CRTC1: variants seen among roughly 807,000 people sequenced by gnomAD.
CRTC1 encodes CREB regulated transcription coactivator 1, also known as CREB-regulated transcription coactivator 1.
A neutral mutation model predicts 66.1 loss-of-function variants in CRTC1; 18 were observed. The observed-to-expected ratio is 0.27, with a 90% CI of 0.19 to 0.40. CRTC1 has a LOEUF of 0.40. Ranked by LOEUF, CRTC1 falls within the 10% of genes least tolerant of loss-of-function variation. CRTC1 has a pLI of 1.00. For synonymous variants in CRTC1, 416 were observed against 398.8 expected (o/e 1.04, Z -0.51); for missense variants, 669 against 887.9 (o/e 0.75, Z 3.13).
chr19:18,745,976 G>A lies in CRTC1; in HGVS notation c.381+16G>A, dbSNP rs1568518622. On this transcript the variant is annotated intron_variant, in intron 3 of 13. Transcript: ENST00000321949. ...CGGACGGCAGATATCCTTTTCACCA[G>A]AGGATGAGGGTGGGGGCCAGGCCCT... is the stretch of plus-strand genomic sequence containing the variant. The A allele has an allele frequency of 1.3e-5, 20 of 1,597,582 alleles. No individual in the cohort carries two copies. Among genetic ancestry groups the A allele is most frequent in the Non-Finnish European group, 1.6e-5 (19 of 1,168,536 alleles).
In CRTC1 at chr19:18,782,012, T is replaced by C. The variant is rs1195630780; in HGVS notation, c.*4630T>C. On this transcript the variant is annotated 3_prime_UTR_variant, in exon 14 of 14. Coordinates refer to ENST00000321949, the MANE Select transcript of CRTC1 (RefSeq NM_015321.3). Reference sequence around the variant, plus strand: ...GGAGGGAGGGCTTTGGCAGCCAAAGTCCACTGGCCCTGCCGTGCCCCTGAG... The same window carrying C: ...GGAGGGAGGGCTTTGGCAGCCAAAGCCCACTGGCCCTGCCGTGCCCCTGAG... 2 of 228,828 alleles carry C rather than the reference T, an allele frequency of 8.7e-6. No individual in the cohort carries two copies. Among genetic ancestry groups the C allele is most frequent in the African/African-American group, 4.4e-5 (2 of 44,978 alleles). 14.2% of individuals were successfully genotyped at this position (228,828 alleles called of 1,614,324 possible). A position where few individuals can be genotyped will look rare whatever the true frequency, so the allele number is the denominator to read the frequency against.
intron 8 of CRTC1, among the ~76,000 whole-genome samples, chr19:18,763,998 A>C (rs1342683750): frequency 6.6e-6 from 1 of 152,070 alleles, no homozygotes; most frequent in Non-Finnish European, 1.5e-5. Flanking sequence ...GGGCCTGCAA[A>C]GGGCGCTTGC....
At chr19:18,688,440 T>C (rs2052742354) in intron 1 of CRTC1, among the ~76,000 whole-genome samples, 1 of 151,268 alleles carries the variant, frequency 6.6e-6, no homozygotes, top group Admixed American at 6.6e-5. Flanking sequence ...GTTTGTTTGT[T>C]TGTTTGTTTG....
chr19:18,730,671 C>A (rs753258721), intron 1 of CRTC1, among the ~76,000 whole-genome samples: 2 of 152,258 alleles, frequency 1.3e-5, no homozygotes, highest in East Asian at 3.9e-4. Flanking sequence ...CTGCCTACCT[C>A]ATCCTTCATC....
At chr19:18,744,003 G>A in intron 2 of CRTC1, 5 of 1,205,020 alleles carry the variant, frequency 4.1e-6, no homozygotes, top group South Asian at 2.7e-5. Flanking sequence ...CCTGTTGGGT[G>A]TCTGTCGCCC....
intron 1 of CRTC1, among the ~76,000 whole-genome samples, chr19:18,700,410 C>T (rs367944949): frequency 1.3e-5 from 2 of 152,126 alleles, no homozygotes; most frequent in East Asian, 1.9e-4. Flanking sequence ...GGCAAGGGGG[C>T]GAAGCCTCCC....
At chr19:18,753,850 A>C (rs1444445830) in intron 6 of CRTC1, among the ~76,000 whole-genome samples, 2 of 152,196 alleles carry the variant, frequency 1.3e-5, no homozygotes, top group Non-Finnish European at 2.9e-5. Context: ...CTGTAATCCC[A>C]GTACTTTGGG....
At chr19:18,736,047 G>A (rs1233485492) in intron 1 of CRTC1, among the ~76,000 whole-genome samples, 1 of 152,164 alleles carries the variant, frequency 6.6e-6, no homozygotes, top group East Asian at 1.9e-4. Context: ...CCTGAGCCTT[G>A]GTTGGTTTTC....
chr19:18,777,491 G>A lies in CRTC1; in HGVS notation c.*109G>A. 9.2e-7 allele frequency: 1 copy of A among 1,081,962 alleles called. No homozygotes were observed. The highest frequency in any genetic ancestry group is 1.4e-6 in the Non-Finnish European group (1 of 719,722). 67.0% of individuals were successfully genotyped at this position (1,081,962 alleles called of 1,614,324 possible). A position where few individuals can be genotyped will look rare whatever the true frequency, so the allele number is the denominator to read the frequency against. On this transcript the variant is annotated 3_prime_UTR_variant, in exon 14 of 14. Transcript: ENST00000321949. The surrounding 1 kb of genome is among the most constrained non-coding windows in gnomAD (Gnocchi z 5.5). ...CGGCCGAGCTTGTGATTCTGAGCTT[G>A]CAATGCCGCCAAGCGCCCCCCGCCA... is the stretch of plus-strand genomic sequence containing the variant.
intron 11 of CRTC1, among the ~76,000 whole-genome samples, chr19:18,772,371 CTT>C (rs1258915840): frequency 6.6e-6 from 1 of 152,134 alleles, no homozygotes; most frequent in Non-Finnish European, 1.5e-5. Context: ...CAGCCGCCAA[CTT>C]TTTTTACCCT....
chr19:18,713,216 G>A (rs1394560231), intron 1 of CRTC1, among the ~76,000 whole-genome samples: 2 of 152,230 alleles, frequency 1.3e-5, no homozygotes, highest in Admixed American at 6.5e-5. Flanking sequence ...GCATTCTGCT[G>A]TATGGATGGA....
chr19:18,718,290 CAT>C (rs1377425938), intron 1 of CRTC1, among the ~76,000 whole-genome samples: 1 of 152,118 alleles, frequency 6.6e-6, no homozygotes, highest in Non-Finnish European at 1.5e-5. Context: ...CTCAGCATCA[CAT>C]GTTCAGTTTC....
chr19:18,763,350 C>T (rs540274951), intron 8 of CRTC1, among the ~76,000 whole-genome samples: 33 of 152,304 alleles, frequency 2.2e-4, no homozygotes, highest in African/African-American at 7.0e-4. Flanking sequence ...ATCCGCCTGC[C>T]TCAGCCTCCC....
chr19:18,740,060 C>T (rs1249686995), intron 1 of CRTC1, among the ~76,000 whole-genome samples: 1 of 152,016 alleles, frequency 6.6e-6, no homozygotes, highest in African/African-American at 2.4e-5. Context: ...CAAGACCAGC[C>T]TGGCCAACGT....
Position 18,778,083 on chromosome 19 carries a change from G to A in CRTC1, c.*701G>A, listed in dbSNP as rs1052466496. 3 of 233,094 alleles carry A rather than the reference G, an allele frequency of 1.3e-5. No homozygotes were observed. The highest frequency in any genetic ancestry group is 2.2e-5 in the African/African-American group (1 of 45,314). 14.4% of individuals were successfully genotyped at this position (233,094 alleles called of 1,614,324 possible). A position where few individuals can be genotyped will look rare whatever the true frequency, so the allele number is the denominator to read the frequency against. On this transcript the variant is annotated 3_prime_UTR_variant, in exon 14 of 14. Coordinates refer to ENST00000321949, the MANE Select transcript of CRTC1 (RefSeq NM_015321.3). ...CCTGTCTCCATCCCCTCGAAGCCCTGCCTCACCGCAGGCAGGCCCATCGGT... is the reference window on the plus strand; with the variant it reads ...CCTGTCTCCATCCCCTCGAAGCCCTACCTCACCGCAGGCAGGCCCATCGGT...
At position 18,777,501 on chromosome 19, in the gene CRTC1, C is replaced by T. The variant is rs770195653; in HGVS notation, c.*119C>T. The T allele has an allele frequency of 3.1e-6, 3 of 970,966 alleles. No homozygotes were observed. Among genetic ancestry groups the T allele is most frequent in the Non-Finnish European group, 4.8e-6 (3 of 627,154 alleles). 60.1% of individuals were successfully genotyped at this position (970,966 alleles called of 1,614,324 possible). A position where few individuals can be genotyped will look rare whatever the true frequency, so the allele number is the denominator to read the frequency against. On this transcript the variant is annotated 3_prime_UTR_variant, in exon 14 of 14. Transcript: ENST00000321949. The surrounding 1 kb of genome is among the most constrained non-coding windows in gnomAD (Gnocchi z 5.5). ...TGTGATTCTGAGCTTGCAATGCCGC[C>T]AAGCGCCCCCCGCCAGCCCGCCCCC...
intron 2 of CRTC1, among the ~76,000 whole-genome samples, chr19:18,743,467 G>T (rs575298373): frequency 6.6e-6 from 1 of 152,238 alleles, no homozygotes. Context: ...CACAGCCGCC[G>T]TGCACAGCCT....
chr19:18,732,789 C>T (rs1328774078), intron 1 of CRTC1, among the ~76,000 whole-genome samples: 1 of 152,062 alleles, frequency 6.6e-6, no homozygotes, highest in Non-Finnish European at 1.5e-5. Context: ...CTCCAGAAGC[C>T]TTTCAGAATA....
chr19:18,750,757 G>A (rs2054346135), intron 5 of CRTC1, among the ~76,000 whole-genome samples: 2 of 152,326 alleles, frequency 1.3e-5, no homozygotes, highest in Admixed American at 6.5e-5. Context: ...ACCTCACTCC[G>A]GGGTTCCGGC....
Sources: gnomAD v4.1 joint callset for allele counts (sites outside exome capture counted in the v4.1 genomes callset) on GRCh38, gnomAD v4.1.1 for gene constraint, Gnocchi (gnomAD v3.1) non-coding constraint, MANE v1.5 for transcripts, NCBI Gene and HGNC (gene_info 2026-07-23, HGNC 2026-07-21) for gene names.